PHLPP1: variants seen among roughly 807,000 people sequenced by gnomAD.
PHLPP1 encodes PH domain and leucine rich repeat protein phosphatase 1, also known as PH domain leucine-rich repeat-containing protein phosphatase 1.
Under a neutral mutation model 117.2 loss-of-function variants are expected in PHLPP1, and 42 were observed. The observed-to-expected ratio is 0.36, with a 90% CI of 0.28 to 0.46. The LOEUF is 0.46. Ranked by LOEUF, PHLPP1 falls within the 20% of genes least tolerant of loss-of-function variation. PHLPP1 has a pLI of 1.00. For missense variants in PHLPP1, 2,084 were observed against 2,241.9 expected (o/e 0.93, Z 1.42); for synonymous variants, 1,042 against 970.7 (o/e 1.07, Z -1.37).
intron 10 of PHLPP1, among the ~76,000 whole-genome samples, chr18:62,926,982 T>G (rs1385859583): frequency 6.6e-6 from 1 of 152,106 alleles, no homozygotes; most frequent in Non-Finnish European, 1.5e-5. Context: ...GGAAAGCTGG[T>G]AGTGGGGCTT....
chr18:62,739,726 G>A (rs1435243691), intron 1 of PHLPP1, among the ~76,000 whole-genome samples: 3 of 152,124 alleles, frequency 2.0e-5, no homozygotes, highest in Non-Finnish European at 2.9e-5. Context: ...GAAGAGGGTC[G>A]TCTGTTTCCA....
chr18:62,846,209 CAAA>C (rs34577472), intron 3 of PHLPP1, among the ~76,000 whole-genome samples: 993 of 78,656 alleles, frequency 0.013, 5 homozygotes, highest in Non-Finnish European at 0.017. Flanking sequence ...AACTCCATCT[CAAA>C]AAAAAAAAAA....
Position 62,715,770 on chromosome 18 carries a change from G to GGCATCA in PHLPP1, c.90_91insTCAGCA (p.Ala30_Ala31insSerAla). On this transcript the variant is annotated inframe_insertion, in exon 1 of 17. Coordinates refer to ENST00000262719, the MANE Select transcript of PHLPP1 (RefSeq NM_194449.4). ...CTTCGGCTCCGGCGGCCGCCGCTGC[G>GGCATCA]GCAGCAGCAGCAGCAGCGGCGGCCG... 1 of 948,744 alleles carries GGCATCA rather than the reference G, an allele frequency of 1.1e-6. No individual in the cohort carries two copies. The highest frequency in any genetic ancestry group is 1.3e-6 in the Non-Finnish European group (1 of 770,024). The allele number at this position is 948,744 out of a possible 1,614,324, so 58.8% of individuals were successfully genotyped here.
At chr18:62,969,759 T>C (rs1910999728) in intron 14 of PHLPP1, among the ~76,000 whole-genome samples, 1 of 152,238 alleles carries the variant, frequency 6.6e-6, no homozygotes, top group Non-Finnish European at 1.5e-5. Flanking sequence ...GAAATATACT[T>C]TGTCTGATAT....
chr18:62,761,668 A>T (rs1413623427), intron 1 of PHLPP1, among the ~76,000 whole-genome samples: 3 of 147,070 alleles, frequency 2.0e-5, no homozygotes, highest in East Asian at 1.9e-4. Context: ...AATAAAAAAT[A>T]AAAAAAAAAA....
intron 4 of PHLPP1, among the ~76,000 whole-genome samples, chr18:62,885,203 C>G (rs1399145799): frequency 2.6e-5 from 4 of 152,032 alleles, no homozygotes; most frequent in Non-Finnish European, 4.4e-5. Flanking sequence ...ATATTTGTTT[C>G]TTTCTTTCAA....
intron 1 of PHLPP1, 54 bp downstream of exon 1, chr18:62,717,313 G>A (rs1910788384): frequency 3.6e-5 from 55 of 1,519,466 alleles, no homozygotes; most frequent in South Asian, 1.3e-5. Context: ...GAGGACCGAG[G>A]AGTGATTCAA....
chr18:62,731,671 ACAAAGG>A (rs1180727515), intron 1 of PHLPP1, among the ~76,000 whole-genome samples: 3 of 152,230 alleles, frequency 2.0e-5, no homozygotes, highest in African/African-American at 4.8e-5. Context: ...TTGAAATCTG[ACAAAGG>A]CCAAAAGCTA....
At position 62,812,729 on chromosome 18, in the gene PHLPP1, C is replaced by T. The variant is rs376329503; in HGVS notation, c.1577-17306C>T. On this transcript the variant is annotated intron_variant, in intron 1 of 16. Coordinates refer to ENST00000262719, the MANE Select transcript of PHLPP1 (RefSeq NM_194449.4). ...TGTGCCTGTGACCTTTTTTTTTTTTCCTATGGAAAAGTACCACAAAAATAA... is the reference window on the plus strand; with the variant it reads ...TGTGCCTGTGACCTTTTTTTTTTTTTCTATGGAAAAGTACCACAAAAATAA... Among the ~76,000 whole-genome samples the T allele has an allele frequency of 8.6e-3, 1,263 of 147,530 alleles. 19 individuals carry two copies. The highest frequency in any genetic ancestry group is 0.03 in the African/African-American group (1,197 of 40,230).
intron 1 of PHLPP1, among the ~76,000 whole-genome samples, chr18:62,784,073 A>T (rs1913206169): frequency 6.6e-6 from 1 of 151,362 alleles, no homozygotes; most frequent in African/African-American, 2.4e-5. Context: ...ATTCAAGACG[A>T]TGGGGAGTAT....
intron 1 of PHLPP1, among the ~76,000 whole-genome samples, chr18:62,753,300 AT>A (rs2042612017): frequency 6.6e-6 from 1 of 152,224 alleles, no homozygotes; most frequent in Non-Finnish European, 1.5e-5. Context: ...ATGATTTATC[AT>A]TTTAATGTGC....
chr18:62,917,896 A>C (rs1015173759), intron 9 of PHLPP1, among the ~76,000 whole-genome samples: 1 of 151,592 alleles, frequency 6.6e-6, no homozygotes, highest in African/African-American at 2.4e-5. Context: ...TTGTCTATCC[A>C]AGTAAGGTAT....
intron 12 of PHLPP1, among the ~76,000 whole-genome samples, chr18:62,952,670 A>G (rs1461771824): frequency 1.3e-5 from 2 of 152,234 alleles, no homozygotes; most frequent in Non-Finnish European, 2.9e-5. Flanking sequence ...TCTGTTGCGC[A>G]TGCCGGAGTG....
intron 1 of PHLPP1, among the ~76,000 whole-genome samples, chr18:62,736,156 G>C (rs915913321): frequency 5.3e-5 from 8 of 152,084 alleles, no homozygotes; most frequent in African/African-American, 1.9e-4. Context: ...GCCTCTGCTT[G>C]TTGACTGCAT....
At position 62,979,009 on chromosome 18, in the gene PHLPP1, G is replaced by A; in HGVS notation, c.4732G>A (p.Glu1578Lys). Residue 1578 changes from glutamate to lysine, a missense_variant, in exon 17 of 17, where the codon GAG becomes AAG. By Grantham distance (56) the Glu-to-Lys change is moderately conservative. Coordinates refer to ENST00000262719, the MANE Select transcript of PHLPP1 (RefSeq NM_194449.4). ...CCACTGCAGCCGGGCCAAGGAGAAG[G>A]AGAAACAGCAGCACCTGCTTCAGGT... ...DIHCSRAKEK[E>K]KQQHLLQVPA... The A allele has an allele frequency of 6.2e-7, 1 of 1,613,272 alleles. No homozygotes were observed. Among genetic ancestry groups the A allele is most frequent in the South Asian group, 1.1e-5 (1 of 90,956 alleles).
At chr18:62,903,733 G>A (rs1267674516) in intron 7 of PHLPP1, among the ~76,000 whole-genome samples, 2 of 149,112 alleles carry the variant, frequency 1.3e-5, no homozygotes, top group Non-Finnish European at 3.0e-5. Context: ...TCACACTACT[G>A]CACTCCAGCC....
At chr18:62,924,686 A>G (rs868147295) in intron 10 of PHLPP1, among the ~76,000 whole-genome samples, 1 of 147,708 alleles carries the variant, frequency 6.8e-6, no homozygotes, top group Non-Finnish European at 1.5e-5. Context: ...GAAAAAAAAA[A>G]AAAAAAAAAA....
At chr18:62,801,218 T>C (rs1274424335) in intron 1 of PHLPP1, among the ~76,000 whole-genome samples, 1 of 151,344 alleles carries the variant, frequency 6.6e-6, no homozygotes, top group African/African-American at 2.4e-5. Context: ...AGTTTTTGTA[T>C]TTTTAGTAGA....
intron 1 of PHLPP1, among the ~76,000 whole-genome samples, chr18:62,730,092 G>T (rs1911186194): frequency 6.6e-6 from 1 of 152,196 alleles, no homozygotes; most frequent in South Asian, 2.1e-4. Flanking sequence ...GGCATCACAT[G>T]TCAGAGTTAA....
Sources: gnomAD v4.1 joint callset for allele counts (sites outside exome capture counted in the v4.1 genomes callset) on GRCh38, gnomAD v4.1.1 for gene constraint, MANE v1.5 for transcripts, NCBI Gene and HGNC (gene_info 2026-07-23, HGNC 2026-07-21) for gene names.